Variants in CNGB3 observed in about 807,000 individuals in gnomAD.
CNGB3 encodes cyclic nucleotide-gated channel beta-3.
Under a neutral mutation model 92.8 loss-of-function variants are expected in CNGB3, and 86 were observed. The ratio of observed to expected loss-of-function variants is 0.93; its 90% CI spans 0.78 to 1.11. The LOEUF (loss-of-function observed/expected upper bound fraction) is 1.11. Among genes scored for constraint, CNGB3 ranks in the 50% least tolerant of loss-of-function variants. The pLI, the probability that CNGB3 is intolerant of heterozygous loss-of-function variation, is 0.00. For synonymous variants in CNGB3, 333 were observed against 332.7 expected (o/e 1.00, Z -0.01); for missense variants, 1,026 against 956.8 (o/e 1.07, Z -0.95).
intron 15 of CNGB3, among the ~76,000 whole-genome samples, chr8:86,601,357 C>G (rs1330372650): frequency 1.3e-5 from 2 of 152,116 alleles, no homozygotes; most frequent in African/African-American, 4.8e-5. Flanking sequence ...TCAGCAGACC[C>G]TGGGTCTCTC....
intron 14 of CNGB3, among the ~76,000 whole-genome samples, chr8:86,606,520 C>A (rs1822414249): frequency 6.6e-6 from 1 of 152,086 alleles, no homozygotes; most frequent in Non-Finnish European, 1.5e-5. Context: ...ATAGATGGAT[C>A]TTATATTTAT....
intron 3 of CNGB3, among the ~76,000 whole-genome samples, chr8:86,706,535 T>C (rs560632620): frequency 1.1e-3 from 170 of 152,318 alleles, no homozygotes; most frequent in African/African-American, 4.0e-3. Context: ...TGGATCTTAA[T>C]CCTGGGGGAA....
At chr8:86,590,813 G>A (rs1486169863) in intron 15 of CNGB3, among the ~76,000 whole-genome samples, 2 of 149,984 alleles carry the variant, frequency 1.3e-5, no homozygotes, top group Non-Finnish European at 3.0e-5. Context: ...TGACAATTAT[G>A]TGTCTTGGAG....
chr8:86,668,055 G>A lies in CNGB3; in HGVS notation c.607C>T (p.Arg203Ter), dbSNP rs267606739. Residue 203 changes from arginine to a stop codon, truncating the protein, a stop_gained, in exon 5 of 18, where the codon CGA becomes TGA. Transcript: ENST00000320005. LOFTEE classifies it high-confidence loss of function. ...TCTATGCTGTTTGGAAGTTTAATTC[G>A]CTTTAAGTACTCTGTTAAAGGCATC... ...KKMPLTEYLK[R>*]IKLPNSIDSY... 38 of 1,613,642 alleles carry A rather than the reference G, an allele frequency of 2.4e-5. No homozygotes were observed. The highest frequency in any genetic ancestry group is 6.7e-5 in the African/African-American group (5 of 74,772).
chr8:86,736,946 A>G (rs973011069), intron 2 of CNGB3, among the ~76,000 whole-genome samples: 21 of 152,208 alleles, frequency 1.4e-4, no homozygotes, highest in East Asian at 3.8e-4. Flanking sequence ...AGCTTTAGTC[A>G]TGAGTTAGGA....
chr8:86,670,887 A>G, intron 4 of CNGB3, 57 bp downstream of exon 4: 1 of 1,586,152 alleles, frequency 6.3e-7, no homozygotes, highest in South Asian at 1.1e-5. Flanking sequence ...ACATCTGCAA[A>G]ACACAGGTCC....
chr8:86,655,410 A>G (rs183576689), intron 6 of CNGB3, among the ~76,000 whole-genome samples: 32 of 152,286 alleles, frequency 2.1e-4, no homozygotes, highest in African/African-American at 7.5e-4. Context: ...GCATCCCAGA[A>G]ACAGAACCCA....
chr8:86,707,102 CATT>C (rs1455553484), intron 3 of CNGB3, among the ~76,000 whole-genome samples: 1 of 152,080 alleles, frequency 6.6e-6, no homozygotes, highest in Non-Finnish European at 1.5e-5. Flanking sequence ...TGGGAAGAAA[CATT>C]ATCTTCCTTC....
intron 15 of CNGB3, among the ~76,000 whole-genome samples, chr8:86,599,442 C>G (rs1585960609): frequency 1.3e-5 from 2 of 152,178 alleles, no homozygotes; most frequent in South Asian, 2.1e-4. Context: ...CAGCAATGTT[C>G]AGGGAACAAG....
At chr8:86,597,269 G>A (rs1471677105) in intron 15 of CNGB3, among the ~76,000 whole-genome samples, 1 of 152,150 alleles carries the variant, frequency 6.6e-6, no homozygotes, top group Non-Finnish European at 1.5e-5. Flanking sequence ...ATGAGAGGGA[G>A]CACAACAGCC....
At chr8:86,717,826 A>G (rs1168510522) in intron 3 of CNGB3, among the ~76,000 whole-genome samples, 1 of 152,154 alleles carries the variant, frequency 6.6e-6, no homozygotes, top group African/African-American at 2.4e-5. Context: ...TTCAGATCAC[A>G]GTGGAATAAA....
chr8:86,592,795 A>G (rs1446863591), intron 15 of CNGB3, among the ~76,000 whole-genome samples: 1 of 152,234 alleles, frequency 6.6e-6, no homozygotes, highest in African/African-American at 2.4e-5. Flanking sequence ...TGTTCTCATT[A>G]AGGAAATTTC....
intron 7 of CNGB3, among the ~76,000 whole-genome samples, chr8:86,648,189 T>A (rs373124836): frequency 6.6e-6 from 1 of 151,240 alleles, no homozygotes; most frequent in Non-Finnish European, 1.5e-5. Context: ...TAGTTGCTAA[T>A]GTTAAAATAC....
chr8:86,731,206 A>G (rs530420226), intron 2 of CNGB3, among the ~76,000 whole-genome samples: 19 of 152,346 alleles, frequency 1.2e-4, no homozygotes, highest in Middle Eastern at 3.4e-3. Flanking sequence ...CAACTTGTCT[A>G]ACCACAAAAT....
At chr8:86,709,652 G>T (rs188167931) in intron 3 of CNGB3, among the ~76,000 whole-genome samples, 1 of 151,878 alleles carries the variant, frequency 6.6e-6, no homozygotes, top group Non-Finnish European at 1.5e-5. Flanking sequence ...ATGTTTTACC[G>T]CATTGTACAA....
At chr8:86,594,274 C>A in intron 15 of CNGB3, 1 of 267,286 alleles carries the variant, frequency 3.7e-6, no homozygotes, top group African/African-American at 2.3e-5. Context: ...TTCGGATGCC[C>A]TCCGCCATCT....
At chr8:86,662,028 G>T in intron 6 of CNGB3, 1 of 352,214 alleles carries the variant, frequency 2.8e-6, no homozygotes, top group East Asian at 4.9e-5. Context: ...CAGGAGACTG[G>T]CCCAGGTGCA....
intron 14 of CNGB3, among the ~76,000 whole-genome samples, chr8:86,604,918 T>C (rs929570664): frequency 1.3e-5 from 2 of 152,146 alleles, no homozygotes; most frequent in African/African-American, 4.8e-5. Flanking sequence ...ATCACAAAGA[T>C]TTATGATGTG....
At chr8:86,686,859 T>C (rs1824197634) in intron 3 of CNGB3, among the ~76,000 whole-genome samples, 2 of 152,064 alleles carry the variant, frequency 1.3e-5, no homozygotes, top group Admixed American at 1.3e-4. Context: ...TGTATTTGCT[T>C]GTATGCAGGG....
Sources: gnomAD v4.1 joint callset for allele counts (sites outside exome capture counted in the v4.1 genomes callset) on GRCh38, gnomAD v4.1.1 for gene constraint, MANE v1.5 for transcripts, NCBI Gene and HGNC (gene_info 2026-07-23, HGNC 2026-07-21) for gene names.